The following TDRD5 variants were observed in gnomAD, a reference collection of about 807,000 sequenced individuals.
The protein encoded by TDRD5 is tudor domain-containing protein 5.
In TDRD5, 41 loss-of-function variants were observed where a neutral mutation model predicts 120.6. The observed-to-expected ratio is 0.34, with a 90% CI of 0.26 to 0.44. The LOEUF (loss-of-function observed/expected upper bound fraction) is 0.44, where lower values mean the gene tolerates loss of function less well. Ranked by LOEUF, TDRD5 falls within the 20% of genes least tolerant of loss-of-function variation. The pLI is 1.00. For missense variants in TDRD5, 1,006 were observed against 1,221.2 expected (o/e 0.82, Z 2.63); for synonymous variants, 430 against 433.7 (o/e 0.99, Z 0.11).
intron 4 of TDRD5, among the ~76,000 whole-genome samples, chr1:179,609,464 A>G (rs1164980439): frequency 6.6e-6 from 1 of 152,182 alleles, no homozygotes; most frequent in African/African-American, 2.4e-5. Flanking sequence ...TGGCATTGAA[A>G]GATTGGGATT....
chr1:179,607,152 T>G (rs1471823118), intron 4 of TDRD5, among the ~76,000 whole-genome samples: 1 of 150,128 alleles, frequency 6.7e-6, no homozygotes, highest in Non-Finnish European at 1.5e-5. Context: ...CTTGTACATA[T>G]TTTTTTAGAT....
rs374111165 is a variant in TDRD5 at position 179,689,323 on chromosome 1, C to G, written c.2861-1373C>G. ...TGGAGTTTGCTGGAGGTCCACTCCA[C>G]ACCCTGTTTGCCTGGGTATCACCAG... On this transcript the variant is annotated intron_variant, in intron 17 of 17. Transcript: ENST00000444136. Among the ~76,000 whole-genome samples, 3 of 152,228 alleles carry G rather than the reference C, an allele frequency of 2.0e-5. No homozygotes were observed. In the East Asian group the frequency reaches 5.8e-4, roughly 29 times the overall value.
At chr1:179,627,475 TG>T (rs1464773468) in intron 6 of TDRD5, among the ~76,000 whole-genome samples, 1 of 152,180 alleles carries the variant, frequency 6.6e-6, no homozygotes, top group Non-Finnish European at 1.5e-5. Context: ...ATTATATTGG[TG>T]GTAGTATTCT....
At chr1:179,647,750 G>GA (rs888170564) in intron 11 of TDRD5, among the ~76,000 whole-genome samples, 1 of 150,130 alleles carries the variant, frequency 6.7e-6, no homozygotes, top group African/African-American at 2.5e-5. Context: ...AAATTTACAA[G>GA]AAAAAAACAA....
chr1:179,628,909 G>A (rs190855390), intron 6 of TDRD5, among the ~76,000 whole-genome samples: 2 of 143,818 alleles, frequency 1.4e-5, no homozygotes, highest in Admixed American at 1.4e-4. Flanking sequence ...ATTGCTAGGT[G>A]ACTGAGGAAT....
intron 7 of TDRD5, among the ~76,000 whole-genome samples, chr1:179,631,141 C>G (rs1677422319): frequency 6.6e-6 from 1 of 152,134 alleles, no homozygotes. Flanking sequence ...CCTATAATCC[C>G]AGCACTTTGG....
intron 14 of TDRD5, among the ~76,000 whole-genome samples, chr1:179,659,392 C>G (rs954974109): frequency 1.3e-5 from 2 of 151,856 alleles, no homozygotes; most frequent in Non-Finnish European, 2.9e-5. Context: ...TTCTGTTGTG[C>G]ATTTTGAAGC....
chr1:179,642,445 A>G (rs1485453316), intron 11 of TDRD5, among the ~76,000 whole-genome samples: 1 of 152,164 alleles, frequency 6.6e-6, no homozygotes, highest in Non-Finnish European at 1.5e-5. Context: ...GGGCTTTTGC[A>G]CATTCTAATA....
rs761376193 is a variant in TDRD5 at position 179,639,828 on chromosome 1, G to A, written c.1521-11G>A. 2 of 1,613,164 alleles carry A rather than the reference G, an allele frequency of 1.2e-6. No homozygotes were observed. Among genetic ancestry groups the A allele is most frequent in the African/African-American group, 1.3e-5 (1 of 74,812 alleles). ...CCCCTATGGATTTCTCTGTATTATGGAATTCCACAGGCGCTGTTATTCTAA... is the reference window on the plus strand; with the variant it reads ...CCCCTATGGATTTCTCTGTATTATGAAATTCCACAGGCGCTGTTATTCTAA... On this transcript the variant is annotated splice_polypyrimidine_tract_variant and intron_variant, in intron 9 of 17. Transcript: ENST00000444136.
chr1:179,615,067 CTG>C (rs1460795126), intron 4 of TDRD5, among the ~76,000 whole-genome samples: 1 of 152,084 alleles, frequency 6.6e-6, no homozygotes, highest in Non-Finnish European at 1.5e-5. Context: ...CGATTTTACT[CTG>C]TGTCTACAAG....
intron 14 of TDRD5, among the ~76,000 whole-genome samples, chr1:179,659,522 C>G (rs2102089305): frequency 6.6e-6 from 1 of 150,586 alleles, no homozygotes; most frequent in Non-Finnish European, 1.5e-5. Context: ...ACATAATGCA[C>G]TGATATCAGT....
rs769132702 is a variant in TDRD5 at position 179,593,444 on chromosome 1, A to G, written c.233-16A>G. ...AGTTTTCCTCCTAAATATGATTTCTATTTTTCACGTCTCAGCCATTCCAGA... is the reference window on the plus strand; with the variant it reads ...AGTTTTCCTCCTAAATATGATTTCTGTTTTTCACGTCTCAGCCATTCCAGA... On this transcript the variant is annotated splice_polypyrimidine_tract_variant and intron_variant, in intron 2 of 17. Transcript: ENST00000444136. 2.5e-6 allele frequency: 4 copies of G among 1,604,482 alleles called. No individual in the cohort carries two copies. Among genetic ancestry groups the G allele is most frequent in the Admixed American group, 1.7e-5 (1 of 59,358 alleles).
At chr1:179,642,107 T>C (rs1442332482) in intron 11 of TDRD5, among the ~76,000 whole-genome samples, 2 of 63,618 alleles carry the variant, frequency 3.1e-5, no homozygotes, top group Non-Finnish European at 7.6e-5. Context: ...TTTTCTTTTC[T>C]TTTTTTTTTT....
intron 6 of TDRD5, among the ~76,000 whole-genome samples, chr1:179,621,851 C>T (rs1252319449): frequency 6.6e-6 from 1 of 152,118 alleles, no homozygotes; most frequent in Non-Finnish European, 1.5e-5. Flanking sequence ...CAAATAGAGG[C>T]ACAGAGAAGT....
chr1:179,671,339 T>A (rs1572426846), intron 17 of TDRD5, among the ~76,000 whole-genome samples: 2 of 152,334 alleles, frequency 1.3e-5, no homozygotes, highest in East Asian at 3.9e-4. Flanking sequence ...CACATAAATT[T>A]TAGAATTAGC....
In TDRD5 at chr1:179,691,222, T is replaced by G; in HGVS notation, c.*279T>G. ...TTTAAAGGAATTTGTTTTTTTGTGT[T>G]TGTTTTTCTTGTACATTATCATGAC... is the stretch of plus-strand genomic sequence containing the variant. On this transcript the variant is annotated 3_prime_UTR_variant, in exon 18 of 18. Transcript: ENST00000444136. The G allele has an allele frequency of 3.7e-6, 1 of 270,410 alleles. No individual in the cohort carries two copies. The highest frequency in any genetic ancestry group is 7.0e-6 in the Non-Finnish European group (1 of 142,628). The allele number at this position is 270,410 out of a possible 1,614,324, so 16.8% of individuals were successfully genotyped here.
rs748574381 is a variant in TDRD5 at position 179,650,851 on chromosome 1, C to T, written c.1801-16C>T. Reference sequence around the variant, plus strand: ...TAGATCTATCACCTGAATCCAATATCTTGATCATATTTCAGGAACACTGGA... The same window carrying T: ...TAGATCTATCACCTGAATCCAATATTTTGATCATATTTCAGGAACACTGGA... On this transcript the variant is annotated splice_polypyrimidine_tract_variant and intron_variant, in intron 11 of 17. Coordinates refer to ENST00000444136, the MANE Select transcript of TDRD5 (RefSeq NM_001199085.3). 2 of 1,613,674 alleles carry T rather than the reference C, an allele frequency of 1.2e-6. No homozygotes were observed. The highest frequency in any genetic ancestry group is 2.2e-5 in the South Asian group (2 of 91,068).
At chr1:179,634,260 G>A (rs538009466) in intron 7 of TDRD5, among the ~76,000 whole-genome samples, 197 bp from the exon 8 acceptor site, 19 of 152,118 alleles carry the variant, frequency 1.2e-4, no homozygotes, top group Admixed American at 1.2e-3. Context: ...TTCCCACCTA[G>A]AACTTCCCTT....
chr1:179,620,957 A>T, intron 5 of TDRD5, 78 bp from the exon 6 acceptor site: 1 of 1,135,930 alleles, frequency 8.8e-7, no homozygotes, highest in Non-Finnish European at 1.2e-6. Flanking sequence ...CTTTGTTGTT[A>T]TTTGTTTATA....
Sources: allele counts gnomAD v4.1 joint callset (sites outside exome capture counted in the v4.1 genomes callset), GRCh38; gene constraint gnomAD v4.1.1; transcripts MANE v1.5; gene names NCBI Gene and HGNC (gene_info 2026-07-23, HGNC 2026-07-21).